Variants in DOHH observed in about 807,000 individuals in gnomAD.
DOHH encodes HEAT-like (PBS lyase) repeat containing 1.
In DOHH, 16 loss-of-function variants were observed where a neutral mutation model predicts 19.9. The ratio of observed to expected loss-of-function variants is 0.80; its 90% CI spans 0.54 to 1.22. The LOEUF is 1.22. Among genes scored for constraint, DOHH ranks in the 50% most tolerant of loss-of-function variants. The pLI, the probability that DOHH is intolerant of heterozygous loss-of-function variation, is 0.00. For missense variants in DOHH, 460 were observed against 460.6 expected (o/e 1.00, Z 0.01); for synonymous variants, 233 against 217.0 (o/e 1.07, Z -0.65).
rs775541720 is a variant in DOHH at position 3,491,555 on chromosome 19, G to A, written c.846C>T (p.His282=). The change falls in exon 5 of 5, where the codon CAC becomes CAT. Residue 282 remains histidine (H), a synonymous_variant. Coordinates refer to ENST00000427575, the MANE Select transcript of DOHH (RefSeq NM_001145165.2). This position sits in a 1 kb window ranked among gnomAD's most constrained non-coding sequence, Gnocchi z 5.6. ...CGTACTGGAAGGCCCGCCCGGTCTC[G>A]TGCTCATACATGTCCAGAGCCACCT... ...SCEVALDMYE[H]ETGRAFQYAD... The A allele has an allele frequency of 2.0e-5, 31 of 1,535,802 alleles. No homozygotes were observed. Among genetic ancestry groups the A allele is most frequent in the East Asian group, 7.3e-5 (3 of 40,932 alleles).
chr19:3,491,797 TC>T lies in DOHH; in HGVS notation c.603del (p.Ser202AlafsTer126). ...ALALAEGLHC[G>X]SALFRHEVGY... Reference sequence around the variant, plus strand: ...CCGACCTCGTGGCGGAAGAGGGCGCTCCCACAGTGCAGACCTGCAGGGGAGA... The same window carrying T: ...CCGACCTCGTGGCGGAAGAGGGCGCTCCACAGTGCAGACCTGCAGGGGAGA... On this transcript the variant is annotated frameshift_variant, in exon 5 of 5. Coordinates refer to ENST00000427575, the MANE Select transcript of DOHH (RefSeq NM_001145165.2). LOFTEE classifies it low-confidence loss of function (END_TRUNC). This position sits in a 1 kb window ranked among gnomAD's most constrained non-coding sequence, Gnocchi z 5.6. 6.7e-7 allele frequency: 1 copy of T among 1,497,052 alleles called. No homozygotes were observed. 92.7% of individuals were successfully genotyped at this position (1,497,052 alleles called of 1,614,324 possible).
In DOHH at chr19:3,491,919, C is replaced by G; in HGVS notation, c.590-108G>C. 1 of 1,200,144 alleles carries G rather than the reference C, an allele frequency of 8.3e-7. No individual in the cohort carries two copies. Among genetic ancestry groups the G allele is most frequent in the East Asian group, 3.0e-5 (1 of 33,842 alleles). 74.3% of individuals were successfully genotyped at this position (1,200,144 alleles called of 1,614,324 possible). On this transcript the variant is annotated intron_variant, in intron 4 of 4. Transcript: ENST00000427575. The surrounding 1 kb of genome is among the most constrained non-coding windows in gnomAD (Gnocchi z 5.6). ...TCTTGCCCAGGCAGGTCACAAAGTC[C>G]TGGCGATCTTCCCATCCCGGCCTCC... is the stretch of plus-strand genomic sequence containing the variant.
chr19:3,494,513 A>T, intron 2 of DOHH, among the ~76,000 whole-genome samples: 1 of 152,230 alleles, frequency 6.6e-6, no homozygotes, highest in East Asian at 1.9e-4. Context: ...TCTCAAAAAA[A>T]CAAACAAAAA....
chr19:3,498,143 C>A (rs989587412), intron 1 of DOHH, among the ~76,000 whole-genome samples: 2 of 152,110 alleles, frequency 1.3e-5, no homozygotes, highest in Non-Finnish European at 2.9e-5. Context: ...GTTCCTCCAA[C>A]ACGCCAGGCC....
chr19:3,493,931 A>G, intron 3 of DOHH, 97 bp downstream of exon 3: 6 of 1,138,298 alleles, frequency 5.3e-6, no homozygotes, highest in Non-Finnish European at 7.4e-6. Context: ...AGAGATGGGG[A>G]GGGTCTGAGG....
chr19:3,495,600 G>A (rs1358871113), intron 2 of DOHH, among the ~76,000 whole-genome samples: 1 of 152,144 alleles, frequency 6.6e-6, no homozygotes, highest in Non-Finnish European at 1.5e-5. Flanking sequence ...AGCAAAGAAT[G>A]GTTTTTAAAA....
chr19:3,498,907 A>G (rs1295111505), intron 1 of DOHH, among the ~76,000 whole-genome samples: 1 of 152,228 alleles, frequency 6.6e-6, no homozygotes, highest in Non-Finnish European at 1.5e-5. Context: ...CTGAGGTTCC[A>G]AAGGAAAGTC....
At chr19:3,492,127 C>T (rs2082874234) in intron 4 of DOHH, 135 bp downstream of exon 4, 2 of 852,686 alleles carry the variant, frequency 2.3e-6, no homozygotes, top group Middle Eastern at 2.5e-4. Context: ...TCTTAAGAGG[C>T]CCCATGGGAA....
At chr19:3,494,246 A>T (rs1466863045) in intron 2 of DOHH, 142 bp from the exon 3 acceptor site, 2 of 682,392 alleles carry the variant, frequency 2.9e-6, no homozygotes, top group Admixed American at 2.8e-5. Context: ...TGATTGGAGC[A>T]GCAGTCGGTA....
chr19:3,491,652 G>C lies in DOHH; in HGVS notation c.749C>G (p.Ala250Gly), dbSNP rs1039647798. 2.6e-6 allele frequency: 4 copies of C among 1,535,004 alleles called. No homozygotes were observed. In the Admixed American group the frequency reaches 7.9e-5, roughly 30 times the overall value. The change falls in exon 5 of 5, where the codon GCC becomes GGC. Residue 250 changes from alanine (A) to glycine (G), a missense_variant. Physicochemically the swap from Ala to Gly is moderately conservative, Grantham distance 60. Transcript: ENST00000427575. This position sits in a 1 kb window ranked among gnomAD's most constrained non-coding sequence, Gnocchi z 5.6. ...CAGCGCGGCCAGGCAGGCGGGCCGGGCAATGGCGCCCAGGGCCTCCGCGCA... is the reference window on the plus strand; with the variant it reads ...CAGCGCGGCCAGGCAGGCGGGCCGGCCAATGGCGCCCAGGGCCTCCGCGCA... ...HECAEALGAI[A>G]RPACLAALQA...
Position 3,491,937 on chromosome 19 carries a change from C to CAGCACTTTGGGAGGCCGGGAT in DOHH, c.590-127_590-126insATCCCGGCCTCCCAAAGTGCT. Reference sequence around the variant, plus strand: ...CAAAGTCCTGGCGATCTTCCCATCCCGGCCTCCCAAAGTGCTGGGACGACA... The same window carrying CAGCACTTTGGGAGGCCGGGAT: ...CAAAGTCCTGGCGATCTTCCCATCCCAGCACTTTGGGAGGCCGGGATGGCCTCCCAAAGTGCTGGGACGACA... On this transcript the variant is annotated intron_variant, in intron 4 of 4. Coordinates refer to ENST00000427575, the MANE Select transcript of DOHH (RefSeq NM_001145165.2). This position sits in a 1 kb window ranked among gnomAD's most constrained non-coding sequence, Gnocchi z 5.6. The CAGCACTTTGGGAGGCCGGGAT allele has an allele frequency of 9.0e-7, 1 of 1,107,302 alleles. No homozygotes were observed. The highest frequency in any genetic ancestry group is 1.2e-6 in the Non-Finnish European group (1 of 823,532). 68.6% of individuals were successfully genotyped at this position (1,107,302 alleles called of 1,614,324 possible).
At chr19:3,494,782 G>A (rs1440895317) in intron 2 of DOHH, among the ~76,000 whole-genome samples, 1 of 152,222 alleles carries the variant, frequency 6.6e-6, no homozygotes, top group African/African-American at 2.4e-5. Flanking sequence ...GTTTGCGTTT[G>A]TGCACCTGCC....
rs2082873042 is a variant in DOHH at position 3,491,963 on chromosome 19, G to A, written c.590-152C>T. 1.1e-6 allele frequency: 1 copy of A among 946,086 alleles called. No individual in the cohort carries two copies. The highest frequency in any genetic ancestry group is 1.5e-6 in the Non-Finnish European group (1 of 675,154). 58.6% of individuals were successfully genotyped at this position (946,086 alleles called of 1,614,324 possible). A position where few individuals can be genotyped will look rare whatever the true frequency, so the allele number is the denominator to read the frequency against. On this transcript the variant is annotated intron_variant, in intron 4 of 4. Coordinates refer to ENST00000427575, the MANE Select transcript of DOHH (RefSeq NM_001145165.2). This position sits in a 1 kb window ranked among gnomAD's most constrained non-coding sequence, Gnocchi z 5.6. ...GGCCTCCCAAAGTGCTGGGACGACA[G>A]GCGTGAGCCACCACGCCCAACCTGG...
Position 3,492,347 on chromosome 19 carries a change from C to G in DOHH, c.504G>C (p.Glu168Asp). 1 of 1,544,428 alleles carries G rather than the reference C, an allele frequency of 6.5e-7. No individual in the cohort carries two copies. Among genetic ancestry groups the G allele is most frequent in the Non-Finnish European group, 8.7e-7 (1 of 1,152,298 alleles). Residue 168 changes from glutamate (E) to aspartate (D), a missense_variant, in exon 4 of 5, where the codon GAG (glutamate) becomes GAC (aspartate). Coordinates refer to ENST00000427575, the MANE Select transcript of DOHH (RefSeq NM_001145165.2). Reference sequence around the variant, plus strand: ...GGTATCGCTCGAAGAGCGGCCGGGACTCATCCAGCAGCGCCTCCCGCAGGC... The same window carrying G: ...GGTATCGCTCGAAGAGCGGCCGGGAGTCATCCAGCAGCGCCTCCCGCAGGC... ...VGRLREALLD[E>D]SRPLFERYRA...
In DOHH at chr19:3,491,171, C is replaced by T. The variant is rs2082866387; in HGVS notation, c.*321G>A. 2.5e-5 allele frequency: 11 copies of T among 435,300 alleles called. No homozygotes were observed. The South Asian group carries it at 2.9e-4, about 11-fold the overall frequency. The allele number at this position is 435,300 out of a possible 1,614,324, so 27.0% of individuals were successfully genotyped here. On this transcript the variant is annotated 3_prime_UTR_variant, in exon 5 of 5. Coordinates refer to ENST00000427575, the MANE Select transcript of DOHH (RefSeq NM_001145165.2). The surrounding 1 kb of genome is among the most constrained non-coding windows in gnomAD (Gnocchi z 5.6). ...CGCGATCCTCCCCTGGCTTCCCTCG[C>T]GATCCTCCCCTGGCTTCCCTCGCAA...
chr19:3,499,490 C>T (rs8103642), intron 1 of DOHH, among the ~76,000 whole-genome samples: 12,329 of 152,054 alleles, frequency 0.081, 1,753 homozygotes, highest in African/African-American at 0.28. Context: ...AAACAATAAC[C>T]GGCTGGGCGC....
At position 3,492,374 on chromosome 19, in the gene DOHH, C is replaced by T; in HGVS notation, c.477G>A (p.Gly159=). The stretch of plus-strand genomic sequence containing the variant: ...CATCCAGCAGCGCCTCCCGCAGGCG[C>T]CCCACGTCACGCTCCTCAGCCGGCG... ...PAPPAEERDV[G]RLREALLDES... The change falls in exon 4 of 5, where the codon GGG becomes GGA. Residue 159 remains glycine (G), a synonymous_variant. Coordinates refer to ENST00000427575, the MANE Select transcript of DOHH (RefSeq NM_001145165.2). 6.5e-7 allele frequency: 1 copy of T among 1,539,052 alleles called. No homozygotes were observed. The highest frequency in any genetic ancestry group is 8.7e-7 in the Non-Finnish European group (1 of 1,149,704).
rs555228944 is a variant in DOHH at position 3,493,566 on chromosome 19, C to T, written c.351+462G>A. 5.9e-5 allele frequency among the ~76,000 whole-genome samples: 9 copies of T among 151,708 alleles called. No individual in the cohort carries two copies. The East Asian group carries it at 1.4e-3, about 23-fold the overall frequency. ...CAGAGCTTGCAGTGAGCCGAGATCG[C>T]GCCCACTGCACTCCAGCCTGGGCGA... On this transcript the variant is annotated intron_variant, in intron 3 of 4. Transcript: ENST00000427575.
intron 2 of DOHH, among the ~76,000 whole-genome samples, chr19:3,494,857 C>G (rs2082897042): frequency 6.6e-6 from 1 of 152,262 alleles, no homozygotes; most frequent in African/African-American, 2.4e-5. Context: ...TCAGGCACCT[C>G]CCACGCGCTA....
Sources: gnomAD v4.1 joint callset for allele counts (sites outside exome capture counted in the v4.1 genomes callset) on GRCh38, gnomAD v4.1.1 for gene constraint, Gnocchi (gnomAD v3.1) non-coding constraint, MANE v1.5 for transcripts, NCBI Gene and HGNC (gene_info 2026-07-23, HGNC 2026-07-21) for gene names.